The following DGKK variants were observed in gnomAD, a reference collection of about 807,000 sequenced individuals.
DGKK encodes 142 kDa diacylglycerol kinase.
Under a neutral mutation model 92.2 loss-of-function variants are expected in DGKK, and 35 were observed. The observed-to-expected ratio is 0.38, with a 90% CI of 0.29 to 0.50. The LOEUF (loss-of-function observed/expected upper bound fraction) is 0.50, where lower values mean the gene tolerates loss of function less well. Ranked by LOEUF, DGKK falls within the 20% of genes least tolerant of loss-of-function variation. The pLI is 0.92. For synonymous variants in DGKK, 368 were observed against 360.6 expected (o/e 1.02, Z -0.23); for missense variants, 910 against 992.2 (o/e 0.92, Z 1.11).
At chrX:50,390,272 A>G in intron 12 of DGKK, 56 bp downstream of exon 12, 4 of 1,131,517 alleles carry the variant, frequency 3.5e-6, no homozygotes, top group East Asian at 3.0e-5. Flanking sequence ...GGTTTTGCCA[A>G]TTATTTCACT....
At chrX:50,386,168 G>A (rs1303164653) in intron 15 of DGKK, among the ~76,000 whole-genome samples, 190 bp downstream of exon 15, 2 of 111,303 alleles carry the variant, frequency 1.8e-5, no homozygotes, top group Non-Finnish European at 3.8e-5. Flanking sequence ...GAGCCAAAGG[G>A]GCAGCTTAGC....
chrX:50,427,186 T>C (rs1234770235), intron 1 of DGKK, among the ~76,000 whole-genome samples: 2 of 111,616 alleles, frequency 1.8e-5, no homozygotes, highest in East Asian at 5.6e-4. Flanking sequence ...AAATGCACTA[T>C]AAAGCCACGG....
intron 1 of DGKK, among the ~76,000 whole-genome samples, chrX:50,433,277 C>T (rs1160242917): frequency 4.5e-5 from 5 of 111,903 alleles, no homozygotes; most frequent in African/African-American, 1.6e-4. Flanking sequence ...TTAGATCTCC[C>T]TGCCCTGTTA....
chrX:50,433,097 A>T (rs1456689936), intron 1 of DGKK, among the ~76,000 whole-genome samples: 2 of 111,963 alleles, frequency 1.8e-5, no homozygotes, highest in South Asian at 3.7e-4. Flanking sequence ...TTTGCTGCCT[A>T]CTAGCTGTGC....
intron 19 of DGKK, 54 bp downstream of exon 19, chrX:50,379,927 C>T: frequency 9.1e-7 from 1 of 1,097,098 alleles, no homozygotes. Flanking sequence ...ATTCCCAAGG[C>T]CATGAGATTT....
chrX:50,394,454 G>T (rs1341976085), intron 8 of DGKK, among the ~76,000 whole-genome samples: 1 of 111,920 alleles, frequency 8.9e-6, no homozygotes, highest in East Asian at 2.8e-4. Flanking sequence ...GACTTGCCAG[G>T]ACTCACAGCT....
At chrX:50,396,338 T>G (rs1235337320) in intron 8 of DGKK, among the ~76,000 whole-genome samples, 1 of 111,843 alleles carries the variant, frequency 8.9e-6, no homozygotes, top group African/African-American at 3.3e-5. Flanking sequence ...AGTGAGGATA[T>G]GGGGGCTGTA....
chrX:50,422,621 C>CAT (rs1332447797), intron 2 of DGKK, 95 bp from the exon 3 acceptor site: 1 of 445,135 alleles, frequency 2.2e-6, no homozygotes, highest in Non-Finnish European at 3.6e-6. Context: ...CACACACACA[C>CAT]ACACACACAC....
chrX:50,374,295 G>T (rs1382179346), intron 25 of DGKK, among the ~76,000 whole-genome samples: 1 of 111,585 alleles, frequency 9.0e-6, no homozygotes, highest in Non-Finnish European at 1.9e-5. Context: ...GAAGATAGAG[G>T]ATTGAAGTGA....
intron 1 of DGKK, among the ~76,000 whole-genome samples, chrX:50,435,414 A>G (rs1925995299): frequency 8.9e-6 from 1 of 112,401 alleles, no homozygotes; most frequent in African/African-American, 3.2e-5. Context: ...AAATTGTTTT[A>G]TTGCCAAACT....
chrX:50,392,107 C>G (rs782189783), intron 10 of DGKK, among the ~76,000 whole-genome samples: 6 of 112,350 alleles, frequency 5.3e-5, no homozygotes, highest in Non-Finnish European at 9.4e-5. Context: ...ACTTTGAAGC[C>G]TAGGGAACAG....
intron 4 of DGKK, among the ~76,000 whole-genome samples, chrX:50,415,526 A>T (rs1418553250): frequency 1.8e-5 from 2 of 111,348 alleles, no homozygotes; most frequent in Non-Finnish European, 3.8e-5. Context: ...AAAATTCAAA[A>T]TTTTGAAGTA....
At chrX:50,385,258 T>C (rs1557224855) in intron 15 of DGKK, among the ~76,000 whole-genome samples, 1 of 111,570 alleles carries the variant, frequency 9.0e-6, no homozygotes, top group African/African-American at 3.3e-5. Context: ...TGCCACTCTT[T>C]CACTCTAATG....
intron 4 of DGKK, among the ~76,000 whole-genome samples, chrX:50,405,840 T>C (rs944067717): frequency 6.3e-5 from 7 of 111,970 alleles, no homozygotes; most frequent in African/African-American, 1.3e-4. Context: ...GAATAGAAGA[T>C]GGAGAGTCCT....
chrX:50,445,121 C>CTTTT (rs57163220), intron 1 of DGKK, among the ~76,000 whole-genome samples: 8 of 67,485 alleles, frequency 1.2e-4, no homozygotes, highest in Non-Finnish European at 1.6e-4. Context: ...CCTTTGCCCA[C>CTTTT]TTTTTTTTTT....
intron 1 of DGKK, among the ~76,000 whole-genome samples, chrX:50,426,331 A>T (rs1557229724): frequency 9.0e-6 from 1 of 111,627 alleles, no homozygotes; most frequent in African/African-American, 3.3e-5. Flanking sequence ...CCCTTAAAGA[A>T]CCTATTTTTC....
At chrX:50,402,401 T>G (rs1330575566) in intron 7 of DGKK, among the ~76,000 whole-genome samples, 5 of 111,474 alleles carry the variant, frequency 4.5e-5, no homozygotes, top group South Asian at 3.9e-4. Flanking sequence ...CTGGGCGGCA[T>G]AGTGAGACCC....
intron 8 of DGKK, among the ~76,000 whole-genome samples, chrX:50,395,885 T>C (rs1557226063): frequency 9.2e-6 from 1 of 108,613 alleles, no homozygotes; most frequent in East Asian, 2.9e-4. Flanking sequence ...ACGTGCTGAG[T>C]GACACAAGCC....
intron 4 of DGKK, among the ~76,000 whole-genome samples, chrX:50,408,630 G>A (rs73497582): frequency 0.31 from 33,432 of 108,733 alleles, 4,010 homozygotes; most frequent in Admixed American, 0.41. Context: ...TGATCCGCCC[G>A]CCTCGGCCTC....
Sources: allele counts gnomAD v4.1 joint callset (sites outside exome capture counted in the v4.1 genomes callset), GRCh38; gene constraint gnomAD v4.1.1; transcripts MANE v1.5; gene names NCBI Gene and HGNC (gene_info 2026-07-23, HGNC 2026-07-21).